The following FSTL4 variants were observed in gnomAD, a reference collection of about 807,000 sequenced individuals.
FSTL4 encodes follistatin like 4.
FSTL4 carries 28 observed loss-of-function variants against 78.2 expected under a neutral mutation model. That is an observed-to-expected ratio of 0.36 (90% CI 0.27 to 0.49). The LOEUF (loss-of-function observed/expected upper bound fraction) is 0.49. Among genes scored for constraint, FSTL4 ranks in the 20% least tolerant of loss-of-function variants. The pLI, the probability that FSTL4 is intolerant of heterozygous loss-of-function variation, is 0.98. For missense variants in FSTL4, 922 were observed against 1,084.9 expected, an observed-to-expected ratio of 0.85 and a Z score of 2.11; for synonymous variants, 422 against 440.5, an observed-to-expected ratio of 0.96 and a Z score of 0.53.
chr5:133,227,551 G>T (rs1414848324), intron 8 of FSTL4, among the ~76,000 whole-genome samples: 3 of 152,154 alleles, frequency 2.0e-5, no homozygotes, highest in African/African-American at 7.2e-5. Flanking sequence ...GGCCTTGGGG[G>T]TGGTTGGAGA....
intron 1 of FSTL4, among the ~76,000 whole-genome samples, chr5:133,605,889 A>T (rs1760966782): frequency 6.6e-6 from 1 of 152,100 alleles, no homozygotes; most frequent in South Asian, 2.1e-4. Context: ...CACCTGCCCC[A>T]CACTCTGAAG....
the FSTL4 span, among the ~76,000 whole-genome samples, chr5:133,811,352 G>C: frequency 6.6e-6 from 1 of 151,962 alleles, no homozygotes; most frequent in South Asian, 2.1e-4. Flanking sequence ...GCCCTTCAAG[G>C]CTTGCTCAGG....
At chr5:133,779,319 G>A in the FSTL4 span, among the ~76,000 whole-genome samples, 1 of 152,140 alleles carries the variant, frequency 6.6e-6, no homozygotes, top group East Asian at 1.9e-4. Context: ...AGGCATGGTG[G>A]CTCACACTTG....
At chr5:133,390,651 G>A (rs1328181546) in intron 4 of FSTL4, among the ~76,000 whole-genome samples, 1 of 152,260 alleles carries the variant, frequency 6.6e-6, no homozygotes, top group Non-Finnish European at 1.5e-5. Context: ...GTTTGGTGTG[G>A]TCTTGTTCCT....
At chr5:133,736,004 C>T in the FSTL4 span, among the ~76,000 whole-genome samples, 53 of 152,256 alleles carry the variant, frequency 3.5e-4, no homozygotes, top group African/African-American at 1.2e-3. Context: ...AGGTTTGTTA[C>T]CTACACTTGA....
chr5:133,434,588 T>C (rs1757002646), intron 3 of FSTL4, among the ~76,000 whole-genome samples: 1 of 152,140 alleles, frequency 6.6e-6, no homozygotes, highest in African/African-American at 2.4e-5. Context: ...TGAACATAAA[T>C]CTTTAGGCAA....
the FSTL4 span, among the ~76,000 whole-genome samples, chr5:133,681,754 G>A: frequency 6.6e-6 from 1 of 152,302 alleles, no homozygotes; most frequent in African/African-American, 2.4e-5. Context: ...TGGGAAAGTA[G>A]AAATGACCCA....
rs144921259 is a variant in FSTL4, at chr5:133,354,784, G to A, written c.410-38132C>T. Among the ~76,000 whole-genome samples, 322 of 152,332 alleles carry A rather than the reference G, an allele frequency of 2.1e-3. 2 individuals are homozygous for A. Among genetic ancestry groups the A allele is most frequent in the African/African-American group, 7.2e-3 (299 of 41,570 alleles). ...ACAGCTGTGCCCATGCAGATCTCAC[G>A]TCACCTACATCACACCTGCAGCCCC... On this transcript the variant is annotated intron_variant, in intron 4 of 15. Coordinates refer to ENST00000265342, the MANE Select transcript of FSTL4 (RefSeq NM_015082.2).
chr5:133,694,844 G>A, the FSTL4 span, among the ~76,000 whole-genome samples: 5 of 152,216 alleles, frequency 3.3e-5, no homozygotes, highest in Admixed American at 6.5e-5. Flanking sequence ...ACATGGCAGA[G>A]AGCAGAGAGA....
intron 4 of FSTL4, among the ~76,000 whole-genome samples, chr5:133,363,339 G>C (rs376435901): frequency 1.3e-5 from 2 of 151,980 alleles, no homozygotes; most frequent in African/African-American, 4.8e-5. Flanking sequence ...TTTCCTTTGG[G>C]GGATATCAGG....
At chr5:133,308,352 A>T (rs1026870726) in intron 6 of FSTL4, among the ~76,000 whole-genome samples, 2 of 152,208 alleles carry the variant, frequency 1.3e-5, no homozygotes, top group Admixed American at 6.5e-5. Context: ...GATGAACCCC[A>T]TGCTATTTAA....
the FSTL4 span, among the ~76,000 whole-genome samples, chr5:133,668,349 A>T: frequency 6.6e-6 from 1 of 152,156 alleles, no homozygotes; most frequent in Non-Finnish European, 1.5e-5. Flanking sequence ...AGCCTCTCTC[A>T]CACACTCTTG....
chr5:133,507,758 T>C (rs1397917534), intron 3 of FSTL4, among the ~76,000 whole-genome samples: 2 of 151,904 alleles, frequency 1.3e-5, no homozygotes, highest in East Asian at 3.9e-4. Flanking sequence ...CCTGACCTCA[T>C]GATCCGCCCT....
the FSTL4 span, among the ~76,000 whole-genome samples, chr5:133,798,606 G>A: frequency 5.3e-4 from 81 of 151,954 alleles, no homozygotes; most frequent in Admixed American, 1.6e-3. Flanking sequence ...CTGGGCTCCC[G>A]CTTCTCTCCC....
chr5:133,386,915 G>A (rs997556561), intron 4 of FSTL4, among the ~76,000 whole-genome samples: 3 of 152,210 alleles, frequency 2.0e-5, no homozygotes, highest in African/African-American at 7.2e-5. Context: ...GACAAGATGG[G>A]TGTAAATGTG....
chr5:133,516,610 T>C (rs1487672625), intron 3 of FSTL4, among the ~76,000 whole-genome samples: 1 of 152,192 alleles, frequency 6.6e-6, no homozygotes. Context: ...TCCAATAAAT[T>C]GTGAATGGGA....
chr5:133,598,985 G>C (rs1760799084), intron 2 of FSTL4, among the ~76,000 whole-genome samples: 1 of 152,168 alleles, frequency 6.6e-6, no homozygotes, highest in Admixed American at 6.5e-5. Flanking sequence ...GCCAGGGTGA[G>C]TACAAACACC....
Position 133,225,362 on chromosome 5 carries a change from G to C in FSTL4, c.1178-78C>G, listed in dbSNP as rs141043819. 340 of 1,566,126 alleles carry C rather than the reference G, an allele frequency of 2.2e-4. 1 individual carries two copies. The African/African-American group carries it at 4.0e-3, about 18-fold the overall frequency. Reference sequence around the variant, plus strand: ...TTTCCTTTATGGGGCCATTGAGAGTGTTAGGGCTGCCCAGCCCCTGGGCAG... The same window carrying C: ...TTTCCTTTATGGGGCCATTGAGAGTCTTAGGGCTGCCCAGCCCCTGGGCAG... On this transcript the variant is annotated intron_variant, in intron 9 of 15. Coordinates refer to ENST00000265342, the MANE Select transcript of FSTL4 (RefSeq NM_015082.2). This position sits in a 1 kb window ranked among gnomAD's most constrained non-coding sequence, Gnocchi z 4.6.
At chr5:133,391,992 G>T (rs1002944876) in intron 4 of FSTL4, among the ~76,000 whole-genome samples, 1 of 152,206 alleles carries the variant, frequency 6.6e-6, no homozygotes, top group Non-Finnish European at 1.5e-5. Flanking sequence ...TCTCCAAATA[G>T]TATCTGATGC....
Sources: gnomAD v4.1 joint callset for allele counts (sites outside exome capture counted in the v4.1 genomes callset) on GRCh38, gnomAD v4.1.1 for gene constraint, Gnocchi (gnomAD v3.1) non-coding constraint, MANE v1.5 for transcripts, NCBI Gene and HGNC (gene_info 2026-07-23, HGNC 2026-07-21) for gene names.